PHF20: variants seen among roughly 807,000 people sequenced by gnomAD.
The protein encoded by PHF20 is PHD finger protein 20.
A neutral mutation model predicts 113.5 loss-of-function variants in PHF20; 23 were observed. The ratio of observed to expected loss-of-function variants is 0.20; its 90% CI spans 0.15 to 0.29. PHF20 has a LOEUF of 0.29. Ranked by LOEUF, PHF20 falls within the 10% of genes least tolerant of loss-of-function variation. The pLI is 1.00. For synonymous variants in PHF20, 434 were observed against 457.3 expected (o/e 0.95, Z 0.65); for missense variants, 943 against 1,219.6 (o/e 0.77, Z 3.38).
At chr20:35,795,436 C>T (rs2041648198) in intron 1 of PHF20, among the ~76,000 whole-genome samples, 1 of 151,788 alleles carries the variant, frequency 6.6e-6, no homozygotes, top group Non-Finnish European at 1.5e-5. Context: ...AGGGTTTCAC[C>T]ACATTGGCCA....
At chr20:35,878,511 C>A (rs1364035043) in intron 9 of PHF20, 3 of 619,600 alleles carry the variant, frequency 4.8e-6, no homozygotes, top group South Asian at 2.1e-5. Context: ...GATCAGGGAT[C>A]CAAACTTATT....
At chr20:35,775,556 C>T (rs1301774268) in intron 1 of PHF20, among the ~76,000 whole-genome samples, 4 of 151,938 alleles carry the variant, frequency 2.6e-5, no homozygotes, top group African/African-American at 9.7e-5. Context: ...GAGTTCGAGA[C>T]CAGTCTGGCT....
intron 1 of PHF20, among the ~76,000 whole-genome samples, chr20:35,797,310 C>G (rs1034307068): frequency 2.0e-5 from 3 of 151,740 alleles, no homozygotes; most frequent in African/African-American, 7.2e-5. Context: ...GTCAGGAATT[C>G]AAGACCAGCC....
chr20:35,864,310 T>G (rs1365971187), intron 6 of PHF20, among the ~76,000 whole-genome samples: 1 of 151,976 alleles, frequency 6.6e-6, no homozygotes. Context: ...TTGGTGCATG[T>G]TTGTTGTCCC....
At chr20:35,847,324 C>CTTTTTTTTTTTT in intron 3 of PHF20, 26 bp from the exon 4 acceptor site, 2 of 1,172,056 alleles carry the variant, frequency 1.7e-6, no homozygotes, top group Non-Finnish European at 1.2e-6. Flanking sequence ...GTAACAGGAT[C>CTTTTTTTTTTTT]TTTTTTTTTT....
Position 35,939,103 on chromosome 20 carries a change from C to G in PHF20, c.2707C>G (p.Pro903Ala), listed in dbSNP as rs780962137. The G allele has an allele frequency of 1.2e-6, 2 of 1,600,916 alleles. No homozygotes were observed. The highest frequency in any genetic ancestry group is 2.7e-5 in the African/African-American group (2 of 74,506). Residue 903 changes from proline (P) to alanine (A), a missense_variant, in exon 16 of 18, where the codon CCA becomes GCA. Pro to Ala is a conservative substitution (Grantham distance 27). Around this residue, in one of 3 missense-constraint regions of PHF20, gnomAD observed 349 missense variants for 412.3 expected, o/e 0.85. Transcript: ENST00000374012. Reference sequence around the variant, plus strand: ...GGACAGTGACCCCAAACCCGGCTCCCCAAAGGTATGTGGCTGCCTTGTACT... The same window carrying G: ...GGACAGTGACCCCAAACCCGGCTCCGCAAAGGTATGTGGCTGCCTTGTACT... The part of the protein sequence containing the change: ...KGDSDPKPGS[P>A]KVKEYVSKKA...
rs371022052 is a variant in PHF20 at position 35,927,775 on chromosome 20, A to C, written c.2005-5A>C. 5.6e-6 allele frequency: 9 copies of C among 1,607,624 alleles called. No individual in the cohort carries two copies. Among genetic ancestry groups the C allele is most frequent in the Non-Finnish European group, 7.7e-6 (9 of 1,174,058 alleles). On this transcript the variant is annotated splice_region_variant and splice_polypyrimidine_tract_variant and intron_variant, in intron 13 of 17. Transcript: ENST00000374012. ...TAATTTTTGTTGCTTCTTTAATTCT[A>C]ACAGTGTGAAGAGTGCCAGTGCTGG...
chr20:35,841,965 AT>A (rs2042544079), intron 2 of PHF20, among the ~76,000 whole-genome samples: 1 of 152,100 alleles, frequency 6.6e-6, no homozygotes, highest in African/African-American at 2.4e-5. Flanking sequence ...TCTTCTGTGT[AT>A]GTCATCTTGT....
Position 35,947,336 on chromosome 20 carries a change from GCCCTTCCTCCCTTGCC to G in PHF20, c.2897-146_2897-131del. On this transcript the variant is annotated intron_variant, in intron 17 of 17. Coordinates refer to ENST00000374012, the MANE Select transcript of PHF20 (RefSeq NM_016436.5). ...TGTTGACACAGTGCTGGCTGAAATGGCCCTTCCTCCCTTGCCCCATGGAGGCTGAAATGGCCCTTCC... is the reference window on the plus strand; with the variant it reads ...TGTTGACACAGTGCTGGCTGAAATGGCCATGGAGGCTGAAATGGCCCTTCC... 7 of 660,880 alleles carry G rather than the reference GCCCTTCCTCCCTTGCC, an allele frequency of 1.1e-5. 1 individual carries two copies. Among genetic ancestry groups the G allele is most frequent in the South Asian group, 7.4e-5 (3 of 40,746 alleles). 40.9% of individuals were successfully genotyped at this position (660,880 alleles called of 1,614,324 possible).
At chr20:35,881,307 C>G (rs1476672951) in intron 9 of PHF20, among the ~76,000 whole-genome samples, 4 of 151,878 alleles carry the variant, frequency 2.6e-5, no homozygotes, top group Non-Finnish European at 4.4e-5. Flanking sequence ...ATCCACCCAC[C>G]TTGGCCTCAC....
chr20:35,805,354 T>A lies in PHF20; in HGVS notation c.83+3749T>A, dbSNP rs184595686. Reference sequence around the variant, plus strand: ...AGGCACATGCCACCACGCCTGATTTTTTATTATTATTATTATTATTATTAT... The same window carrying A: ...AGGCACATGCCACCACGCCTGATTTATTATTATTATTATTATTATTATTAT... On this transcript the variant is annotated intron_variant, in intron 2 of 17. Transcript: ENST00000374012. Among the ~76,000 whole-genome samples the A allele has an allele frequency of 3.7e-3, 461 of 125,188 alleles. 2 individuals are homozygous for A. Among genetic ancestry groups the A allele is most frequent in the East Asian group, 6.1e-3 (29 of 4,768 alleles). 82.1% of individuals were successfully genotyped at this position (125,188 alleles called of 152,430 possible).
chr20:35,848,291 A>G (rs759896790), intron 4 of PHF20, among the ~76,000 whole-genome samples: 2 of 151,984 alleles, frequency 1.3e-5, no homozygotes, highest in Non-Finnish European at 2.9e-5. Flanking sequence ...TTTTTGGGAC[A>G]GAGTCTTGCT....
chr20:35,798,569 C>G (rs1353046185), intron 1 of PHF20, among the ~76,000 whole-genome samples: 3 of 151,900 alleles, frequency 2.0e-5, no homozygotes, highest in Admixed American at 6.6e-5. Context: ...ATTCTCCTGC[C>G]TCAGCCTCCC....
Position 35,863,924 on chromosome 20 carries a change from G to A in PHF20, c.808+524G>A, listed in dbSNP as rs768972781. On this transcript the variant is annotated intron_variant, in intron 6 of 17. Coordinates refer to ENST00000374012, the MANE Select transcript of PHF20 (RefSeq NM_016436.5). ...ATTTTCACAGTCTAAATAAAAAGCC[G>A]AGATGGCTAATTGGTAAGAGTCAAG... Among the ~76,000 whole-genome samples the A allele has an allele frequency of 5.4e-4, 82 of 152,156 alleles. 3 individuals carry two copies. Among genetic ancestry groups the A allele is most frequent in the Non-Finnish European group, 2.4e-4 (16 of 68,028 alleles).
chr20:35,907,796 G>A (rs2055227233), intron 10 of PHF20, among the ~76,000 whole-genome samples: 1 of 152,180 alleles, frequency 6.6e-6, no homozygotes, highest in Non-Finnish European at 1.5e-5. Context: ...TTTGCAGATG[G>A]GTGGAATGTA....
intron 13 of PHF20, 136 bp from the exon 14 acceptor site, chr20:35,927,644 C>T (rs1050296610): frequency 1.3e-5 from 9 of 692,330 alleles, no homozygotes; most frequent in East Asian, 7.8e-5. Flanking sequence ...CTCAGTTCCA[C>T]GTTAGTCAGG....
At position 35,889,426 on chromosome 20, in the gene PHF20, A is replaced by G. The variant is rs993548705; in HGVS notation, c.1283-9944A>G. Among the ~76,000 whole-genome samples the G allele has an allele frequency of 3.3e-5, 5 of 151,952 alleles. No homozygotes were observed. The East Asian group carries it at 9.7e-4, about 29-fold the overall frequency. ...ACCCAGGCTGGAGTGCAGTGGCACA[A>G]TCTCAGCTCACTGCAACCTCCACCT... is the stretch of plus-strand genomic sequence containing the variant. On this transcript the variant is annotated intron_variant, in intron 9 of 17. Coordinates refer to ENST00000374012, the MANE Select transcript of PHF20 (RefSeq NM_016436.5).
At chr20:35,780,539 T>C (rs2041271269) in intron 1 of PHF20, among the ~76,000 whole-genome samples, 1 of 117,286 alleles carries the variant, frequency 8.5e-6, no homozygotes, top group Non-Finnish European at 1.7e-5. Context: ...TCTTTTTTCT[T>C]TTTTTTCTTT....
At chr20:35,940,388 A>T (rs2055953851) in intron 16 of PHF20, among the ~76,000 whole-genome samples, 1 of 151,790 alleles carries the variant, frequency 6.6e-6, no homozygotes, top group Non-Finnish European at 1.5e-5. Flanking sequence ...ACCCTATTTC[A>T]TCCTCATGAA....
Sources: allele counts gnomAD v4.1 joint callset (sites outside exome capture counted in the v4.1 genomes callset), GRCh38; gene constraint gnomAD v4.1.1; regional missense constraint gnomAD v4.1.1; transcripts MANE v1.5; gene names NCBI Gene and HGNC (gene_info 2026-07-23, HGNC 2026-07-21).